Variants in GPR162 observed in about 807,000 individuals in gnomAD.
GPR162 encodes probable G protein-coupled receptor 162.
GPR162 carries 26 observed loss-of-function variants against 44.9 expected under a neutral mutation model. The ratio of observed to expected loss-of-function variants is 0.58; its 90% CI spans 0.42 to 0.80. The LOEUF (loss-of-function observed/expected upper bound fraction) is 0.80, where lower values mean the gene tolerates loss of function less well. Among genes scored for constraint, GPR162 ranks in the 30% least tolerant of loss-of-function variants. The probability of loss-of-function intolerance (pLI) is 0.00; values close to 1 mark genes in which losing one functional copy is unlikely to be tolerated. For missense variants in GPR162, 704 were observed against 802.3 expected (o/e 0.88, Z 1.48); for synonymous variants, 363 against 335.2 (o/e 1.08, Z -0.91).
chr12:6,823,771 T>C lies in GPR162; in HGVS notation c.-128T>C, dbSNP rs199644244. The stretch of plus-strand genomic sequence containing the variant: ...GCAATGCTGAGCACTGGGGTGAGCC[T>C]GGGGGCAGCCTGCCTGCTGACAGGG... On this transcript the variant is annotated 5_prime_UTR_variant, in exon 2 of 5. Transcript: ENST00000311268. 7.1e-3 allele frequency: 11,488 copies of C among 1,612,964 alleles called. 60 individuals carry two copies. The highest frequency in any genetic ancestry group is 8.7e-3 in the Non-Finnish European group (10,212 of 1,179,366).
At chr12:6,826,530 G>T (rs879981629) in intron 4 of GPR162, 123 bp from the exon 5 acceptor site, 3 of 1,108,562 alleles carry the variant, frequency 2.7e-6, no homozygotes, top group South Asian at 1.5e-5. Context: ...GGCCAGGTTT[G>T]CCCACCGGAG....
Position 6,824,599 on chromosome 12 carries a change from G to A in GPR162, c.701G>A (p.Gly234Asp), listed in dbSNP as rs1181551080. The A allele has an allele frequency of 6.2e-7, 1 of 1,610,316 alleles. No individual in the cohort carries two copies. The highest frequency in any genetic ancestry group is 1.3e-5 in the African/African-American group (1 of 74,896). Residue 234 changes from glycine (G) to aspartate (D), a missense_variant, in exon 2 of 5, where the codon GGT becomes GAT. By Grantham distance (94) the Gly-to-Asp change is moderately conservative. Coordinates refer to ENST00000311268, the MANE Select transcript of GPR162 (RefSeq NM_019858.2). ...AAAGCGGGTGGGCCAGGGGCCTTGG[G>A]TACCCGGCCAGCTTTTGAGGTACCA... is the stretch of plus-strand genomic sequence containing the variant. ...GTKAGGPGAL[G>D]TRPAFEVPAI...
In GPR162 at chr12:6,826,986, C is replaced by T; in HGVS notation, c.1549C>T (p.Pro517Ser). The change falls in exon 5 of 5, where the codon CCG becomes TCG. Residue 517 changes from proline (P) to serine (S), a missense_variant. Physicochemically the swap from Pro to Ser is moderately conservative, Grantham distance 74. This residue lies in a region of GPR162 where 404 missense variants were observed against 314.1 expected (regional missense o/e 1.29). Transcript: ENST00000311268. ...TFIDETPLPSPTASPGHSPRR... is the reference protein window; with the variant it reads ...TFIDETPLPSSTASPGHSPRR... ...CATCGATGAGACACCTCTGCCTTCT[C>T]CGACTGCCTCACCAGGGCACTCTCC... is the stretch of plus-strand genomic sequence containing the variant. 1 of 1,613,332 alleles carries T rather than the reference C, an allele frequency of 6.2e-7. No homozygotes were observed. The highest frequency in any genetic ancestry group is 8.5e-7 in the Non-Finnish European group (1 of 1,179,996).
Position 6,824,570 on chromosome 12 carries a change from G to GGGGGGGC in GPR162, c.672_673insGGGGGGC (p.Thr225GlyfsTer18). The GGGGGGGC allele has an allele frequency of 7.5e-7, 1 of 1,338,068 alleles. No homozygotes were observed. The highest frequency in any genetic ancestry group is 1.1e-6 in the Non-Finnish European group (1 of 951,590). The allele number at this position is 1,338,068 out of a possible 1,614,324, so 82.9% of individuals were successfully genotyped here. A position where few individuals can be genotyped will look rare whatever the true frequency, so the allele number is the denominator to read the frequency against. Reference sequence around the variant, plus strand: ...CCCGGAGAGTGGGGGGTGGTGGGGGGACCAAAGCGGGTGGGCCAGGGGCCT... The same window carrying GGGGGGGC: ...CCCGGAGAGTGGGGGGTGGTGGGGGGGGGGGGCACCAAAGCGGGTGGGCCAGGGGCCT... On this transcript the variant is annotated frameshift_variant, in exon 2 of 5. Coordinates refer to ENST00000311268, the MANE Select transcript of GPR162 (RefSeq NM_019858.2). LOFTEE classifies it high-confidence loss of function.
rs782082516 is a variant in GPR162, at chr12:6,826,701, A to T, written c.1264A>T (p.Thr422Ser). Reference protein sequence around the residue: ...LSHDETNIFSTPREPGSFLHK... With the variant: ...LSHDETNIFSSPREPGSFLHK... ...CCATGATGAGACAAACATCTTCTCTACCCCTCGGGAACCAGGCTCCTTCCT... is the reference window on the plus strand; with the variant it reads ...CCATGATGAGACAAACATCTTCTCTTCCCCTCGGGAACCAGGCTCCTTCCT... The change falls in exon 5 of 5, where the codon ACC (threonine) becomes TCC (serine). Residue 422 changes from threonine to serine, a missense_variant. Physicochemically the swap from Thr to Ser is moderately conservative, Grantham distance 58. Coordinates refer to ENST00000311268, the MANE Select transcript of GPR162 (RefSeq NM_019858.2). The T allele has an allele frequency of 6.5e-7, 1 of 1,541,566 alleles. No individual in the cohort carries two copies. The highest frequency in any genetic ancestry group is 8.7e-7 in the Non-Finnish European group (1 of 1,147,890).
In GPR162 at chr12:6,826,842, G is replaced by A. The variant is rs1591575723; in HGVS notation, c.1405G>A (p.Glu469Lys). ...CAGGTTGGAGGACGAGGAGGACGAG[G>A]AAGAGGCTGAAGGTGGGGGGCTGGC... is the stretch of plus-strand genomic sequence containing the variant. The part of the protein sequence containing the change: ...RHRLEDEEDE[E>K]EAEGGGLASL... The change falls in exon 5 of 5, where the codon GAA (glutamate) becomes AAA (lysine). Residue 469 changes from glutamate (E) to lysine (K), a missense_variant. Transcript: ENST00000311268. 1 of 1,611,622 alleles carries A rather than the reference G, an allele frequency of 6.2e-7. No individual in the cohort carries two copies. The highest frequency in any genetic ancestry group is 8.5e-7 in the Non-Finnish European group (1 of 1,178,776).
In GPR162 at chr12:6,826,926, G is replaced by A. The variant is rs1943369181; in HGVS notation, c.1489G>A (p.Gly497Ser). The A allele has an allele frequency of 1.9e-6, 3 of 1,613,302 alleles. No homozygotes were observed. Among genetic ancestry groups the A allele is most frequent in the Non-Finnish European group, 1.7e-6 (2 of 1,180,010 alleles). Residue 497 changes from glycine (G) to serine (S), a missense_variant, in exon 5 of 5, where the codon GGT (glycine) becomes AGT (serine). By Grantham distance (56) the Gly-to-Ser change is moderately conservative. Coordinates refer to ENST00000311268, the MANE Select transcript of GPR162 (RefSeq NM_019858.2). ...GGGGTCAGGTGGGGGACCCCCACGG[G>A]GTCCTGGCTTCTTCCGGGAGGAGAT... Reference protein sequence around the residue: ...VLGSGGGPPRGPGFFREEITT... With the variant: ...VLGSGGGPPRSPGFFREEITT...
rs1446925880 is a variant in GPR162 at position 6,826,257 on chromosome 12, A to G, written c.1119A>G (p.Gly373=). The change falls in exon 4 of 5, where the codon GGA becomes GGG. Residue 373 remains glycine, a synonymous_variant. Transcript: ENST00000311268. ...GCAAAGTTCGCTTTGATGCTAACGGAGCCACAGGACCAGGGAGCCGGGACC... is the reference window on the plus strand; with the variant it reads ...GCAAAGTTCGCTTTGATGCTAACGGGGCCACAGGACCAGGGAGCCGGGACC... The part of the protein sequence containing the change: ...RVCKVRFDAN[G]ATGPGSRDPA... 6.2e-7 allele frequency: 1 copy of G among 1,613,972 alleles called. No homozygotes were observed. The highest frequency in any genetic ancestry group is 1.3e-5 in the African/African-American group (1 of 75,016).
rs376022819 is a variant in GPR162 at position 6,826,908 on chromosome 12, G to C, written c.1471G>C (p.Gly491Arg). Residue 491 changes from glycine to arginine, a missense_variant, in exon 5 of 5, where the codon GGT becomes CGT. By Grantham distance (125) the Gly-to-Arg change is moderately radical. Around this residue, in one of 6 missense-constraint regions of GPR162, gnomAD observed 404 missense variants for 314.1 expected, o/e 1.29. Coordinates refer to ENST00000311268, the MANE Select transcript of GPR162 (RefSeq NM_019858.2). Reference protein sequence around the residue: ...QFLESGVLGSGGGPPRGPGFF... With the variant: ...QFLESGVLGSRGGPPRGPGFF... ...CTTGGAGAGTGGGGTTCTGGGGTCAGGTGGGGGACCCCCACGGGGTCCTGG... is the reference window on the plus strand; with the variant it reads ...CTTGGAGAGTGGGGTTCTGGGGTCACGTGGGGGACCCCCACGGGGTCCTGG... The C allele has an allele frequency of 1.2e-6, 2 of 1,613,358 alleles. No homozygotes were observed. The highest frequency in any genetic ancestry group is 1.7e-6 in the Non-Finnish European group (2 of 1,179,980).
rs781827118 is a variant in GPR162, at chr12:6,825,560, C to T, written c.944C>T (p.Ala315Val). 5 of 1,610,526 alleles carry T rather than the reference C, an allele frequency of 3.1e-6. No homozygotes were observed. The highest frequency in any genetic ancestry group is 4.2e-6 in the Non-Finnish European group (5 of 1,178,448). The change falls in exon 3 of 5, where the codon GCA (alanine) becomes GTA (valine). Residue 315 changes from alanine (A) to valine (V), a missense_variant. By Grantham distance (64) the Ala-to-Val change is moderately conservative. Coordinates refer to ENST00000311268, the MANE Select transcript of GPR162 (RefSeq NM_019858.2). ...CTGGCTGTGCTGTGGTGCTCCATGG[C>T]ACAGACGCTGCTGCTGCCCTCCTTC... The part of the protein sequence containing the change: ...MVLAVLWCSM[A>V]QTLLLPSFIW...
chr12:6,826,061 G>A (rs1460243911), intron 3 of GPR162, 135 bp from the exon 4 acceptor site: 1 of 678,368 alleles, frequency 1.5e-6, no homozygotes, highest in East Asian at 2.6e-5. Context: ...GCAAATGCTA[G>A]CCACTCTCAC....
Position 6,827,222 on chromosome 12 carries a change from G to C in GPR162, c.*18G>C, listed in dbSNP as rs1943378272. The C allele has an allele frequency of 1.3e-6, 2 of 1,565,406 alleles. No homozygotes were observed. Among genetic ancestry groups the C allele is most frequent in the Non-Finnish European group, 1.7e-6 (2 of 1,154,558 alleles). ...CCCTGTGAGCCCAAGCAGGCCTGCT[G>C]AACTCAGAGGAGAAAGCCTGAGTGA... On this transcript the variant is annotated 3_prime_UTR_variant, in exon 5 of 5. Coordinates refer to ENST00000311268, the MANE Select transcript of GPR162 (RefSeq NM_019858.2).
At position 6,823,659 on chromosome 12, in the gene GPR162, C is replaced by T. The variant is rs782801621; in HGVS notation, c.-240C>T. 5 of 1,130,072 alleles carry T rather than the reference C, an allele frequency of 4.4e-6. No homozygotes were observed. The highest frequency in any genetic ancestry group is 2.1e-4 in the Middle Eastern group (1 of 4,666). 70.0% of individuals were successfully genotyped at this position (1,130,072 alleles called of 1,614,324 possible). On this transcript the variant is annotated 5_prime_UTR_variant, in exon 2 of 5. Transcript: ENST00000311268. ...TTGCAGGGATGCTTAAGGAAGGCCC[C>T]GCCCAGTATGAAAGCTGAGGATTGC...
chr12:6,826,391 C>A, intron 4 of GPR162, 38 bp downstream of exon 4: 1 of 1,563,598 alleles, frequency 6.4e-7, no homozygotes, highest in Non-Finnish European at 8.7e-7. Context: ...CCCTTGGTGC[C>A]GCTCATCACT....
At position 6,823,953 on chromosome 12, in the gene GPR162, T is replaced by C; in HGVS notation, c.55T>C (p.Ser19Pro). The C allele has an allele frequency of 6.3e-7, 1 of 1,593,496 alleles. No individual in the cohort carries two copies. Among genetic ancestry groups the C allele is most frequent in the Non-Finnish European group, 8.5e-7 (1 of 1,172,526 alleles). ...GGCCTCCCTGCGCTCCAACGCATTG[T>C]CCTGGCTGGCCTGTGGGCTCCTGGC... The part of the protein sequence containing the change: ...EEASLRSNAL[S>P]WLACGLLALL... The change falls in exon 2 of 5, where the codon TCC (serine) becomes CCC (proline). Residue 19 changes from serine (S) to proline (P), a missense_variant. Physicochemically the swap from Ser to Pro is moderately conservative, Grantham distance 74. Transcript: ENST00000311268.
chr12:6,823,874 A>C lies in GPR162; in HGVS notation c.-25A>C, dbSNP rs201631838. On this transcript the variant is annotated 5_prime_UTR_variant, in exon 2 of 5. Transcript: ENST00000311268. ...CCTAGCCCCCACCCCCACAGAGCTC[A>C]AGGGGGTGGGGGGCTGAGGATAGGA... 4.8e-5 allele frequency: 76 copies of C among 1,573,676 alleles called. No homozygotes were observed. Among genetic ancestry groups the C allele is most frequent in the Non-Finnish European group, 6.0e-5 (69 of 1,154,944 alleles).
In GPR162 at chr12:6,821,895, AG is replaced by A. The variant is rs1555119260; in HGVS notation, c.-436del. 2 of 152,264 alleles carry A rather than the reference AG, an allele frequency of 1.3e-5. No homozygotes were observed. Among genetic ancestry groups the A allele is most frequent in the African/African-American group, 4.8e-5 (2 of 41,298 alleles). 9.4% of individuals were successfully genotyped at this position (152,264 alleles called of 1,614,324 possible). On this transcript the variant is annotated 5_prime_UTR_variant, in exon 1 of 5. The change creates a premature stop within an existing upstream ORF in the 5' untranslated region. Transcript: ENST00000311268. Reference sequence around the variant, plus strand: ...CCATGGCAGTGCTGGGCGCAGCCGGAGAGAGGTAAGACGACCCCTGCCTGCC... The same window carrying A: ...CCATGGCAGTGCTGGGCGCAGCCGGAAGAGGTAAGACGACCCCTGCCTGCC...
At position 6,823,849 on chromosome 12, in the gene GPR162, C is replaced by T; in HGVS notation, c.-50C>T. 4 of 1,585,334 alleles carry T rather than the reference C, an allele frequency of 2.5e-6. No individual in the cohort carries two copies. The highest frequency in any genetic ancestry group is 3.4e-6 in the Non-Finnish European group (4 of 1,162,358). ...TTGTGAGTGGGGCTCCTGGGTGAGA[C>T]CTAGCCCCCACCCCCACAGAGCTCA... On this transcript the variant is annotated 5_prime_UTR_variant, in exon 2 of 5. Coordinates refer to ENST00000311268, the MANE Select transcript of GPR162 (RefSeq NM_019858.2).
At position 6,825,548 on chromosome 12, in the gene GPR162, G is replaced by T; in HGVS notation, c.932G>T (p.Trp311Leu). 1 of 1,611,650 alleles carries T rather than the reference G, an allele frequency of 6.2e-7. No individual in the cohort carries two copies. ...CCCTGGATGGTGCTGGCTGTGCTGT[G>T]GTGCTCCATGGCACAGACGCTGCTG... is the stretch of plus-strand genomic sequence containing the variant. ...APPWMVLAVL[W>L]CSMAQTLLLP... Residue 311 changes from tryptophan to leucine, a missense_variant, in exon 3 of 5, where the codon TGG (tryptophan) becomes TTG (leucine). Physicochemically the swap from Trp to Leu is moderately conservative, Grantham distance 61. This residue lies in a region of GPR162 where 92 missense variants were observed against 156.5 expected (regional missense o/e 0.59). Coordinates refer to ENST00000311268, the MANE Select transcript of GPR162 (RefSeq NM_019858.2).
Sources: allele counts gnomAD v4.1 joint callset, GRCh38; gene constraint gnomAD v4.1.1; regional missense constraint gnomAD v4.1.1; transcripts MANE v1.5; gene names NCBI Gene and HGNC (gene_info 2026-07-23, HGNC 2026-07-21).